The following GPBP1 variants were observed in gnomAD, a reference collection of about 807,000 sequenced individuals.
GPBP1 encodes the protein GC-rich promoter binding protein 1, also known as vasculin.
A neutral mutation model predicts 56.5 loss-of-function variants in GPBP1; 13 were observed. The observed-to-expected ratio is 0.23, with a 90% CI of 0.15 to 0.37. GPBP1 has a LOEUF of 0.37. Among genes scored for constraint, GPBP1 ranks in the 10% least tolerant of loss-of-function variants. The pLI is 1.00. For synonymous variants in GPBP1, 204 were observed against 188.9 expected (o/e 1.08, Z -0.66); for missense variants, 477 against 572.3 (o/e 0.83, Z 1.70).
rs1012524386 is a variant in GPBP1 at position 57,264,096 on chromosome 5, C to T, written c.*1344C>T. The T allele has an allele frequency of 9.2e-5, 14 of 152,082 alleles. No homozygotes were observed. The highest frequency in any genetic ancestry group is 3.4e-4 in the African/African-American group (14 of 41,408). 9.4% of individuals were successfully genotyped at this position (152,082 alleles called of 1,614,324 possible). A position where few individuals can be genotyped will look rare whatever the true frequency, so the allele number is the denominator to read the frequency against. On this transcript the variant is annotated 3_prime_UTR_variant, in exon 12 of 12. Transcript: ENST00000506184. ...TACCCTACCTGGACTCCCCAGTTTTCACCAGAAACTGTTATTTTTTTTTGT... is the reference window on the plus strand; with the variant it reads ...TACCCTACCTGGACTCCCCAGTTTTTACCAGAAACTGTTATTTTTTTTTGT...
intron 3 of GPBP1, among the ~76,000 whole-genome samples, chr5:57,217,894 T>TA (rs1411559299): frequency 6.6e-6 from 1 of 152,176 alleles, no homozygotes; most frequent in East Asian, 1.9e-4. Context: ...TCACACAGAT[T>TA]AAGAGTTTAT....
Position 57,246,244 on chromosome 5 carries a change from T to C in GPBP1, c.479-56T>C. ...ATATACTGTTCTTTTGGTGGTTTTA[T>C]TCTATACTAAAACTTGAAATTGTGA... On this transcript the variant is annotated intron_variant, in intron 6 of 11. Coordinates refer to ENST00000506184, the MANE Select transcript of GPBP1 (RefSeq NM_022913.4). The C allele has an allele frequency of 2.1e-6, 3 of 1,416,302 alleles. No homozygotes were observed. In the South Asian group the frequency reaches 4.1e-5, roughly 19 times the overall value. The allele number at this position is 1,416,302 out of a possible 1,614,324, so 87.7% of individuals were successfully genotyped here.
chr5:57,175,377 T>C, intron 1 of GPBP1, 71 bp from the exon 2 acceptor site: 1 of 396,608 alleles, frequency 2.5e-6, no homozygotes, highest in Non-Finnish European at 4.4e-6. Context: ...GGTTGACTTT[T>C]TAAGTTGGGG....
chr5:57,202,159 A>G (rs1425189688), intron 2 of GPBP1, among the ~76,000 whole-genome samples: 1 of 152,130 alleles, frequency 6.6e-6, no homozygotes, highest in Non-Finnish European at 1.5e-5. Flanking sequence ...ACGCTCGGCT[A>G]GTTTTTGTAG....
At chr5:57,183,034 A>G (rs1224011156) in intron 2 of GPBP1, among the ~76,000 whole-genome samples, 5 of 151,878 alleles carry the variant, frequency 3.3e-5, no homozygotes, top group African/African-American at 1.2e-4. Flanking sequence ...CCATATTTCA[A>G]TTTTTTTCCT....
At chr5:57,180,764 C>T (rs1367758963) in intron 2 of GPBP1, among the ~76,000 whole-genome samples, 1 of 152,084 alleles carries the variant, frequency 6.6e-6, no homozygotes, top group Admixed American at 6.6e-5. Flanking sequence ...TGTTTTGAGA[C>T]AGAGTCTCGC....
At chr5:57,254,276 TC>T in intron 10 of GPBP1, among the ~76,000 whole-genome samples, 1 of 152,226 alleles carries the variant, frequency 6.6e-6, no homozygotes, top group African/African-American at 2.4e-5. Context: ...TAAATCTTTA[TC>T]TTTCTGTCTT....
intron 6 of GPBP1, among the ~76,000 whole-genome samples, chr5:57,241,236 A>C (rs930926575): frequency 1.3e-5 from 2 of 152,188 alleles, no homozygotes; most frequent in Non-Finnish European, 2.9e-5. Flanking sequence ...AGGAATTGAA[A>C]TGTCAACTCT....
chr5:57,233,337 CTG>C (rs1756537138), intron 5 of GPBP1, among the ~76,000 whole-genome samples: 2 of 152,110 alleles, frequency 1.3e-5, no homozygotes, highest in Non-Finnish European at 2.9e-5. Flanking sequence ...TGTAATTACT[CTG>C]TATTCTCATG....
intron 6 of GPBP1, among the ~76,000 whole-genome samples, chr5:57,242,982 C>A (rs931065229): frequency 6.6e-6 from 1 of 151,986 alleles, no homozygotes; most frequent in African/African-American, 2.4e-5. Flanking sequence ...AACTCCTAAC[C>A]TTGTGATCCG....
At chr5:57,203,939 A>C (rs1045347270) in intron 2 of GPBP1, among the ~76,000 whole-genome samples, 1 of 152,182 alleles carries the variant, frequency 6.6e-6, no homozygotes, top group Non-Finnish European at 1.5e-5. Flanking sequence ...TTTAGAGGCC[A>C]TGTTCCTTAG....
At chr5:57,238,949 A>T (rs555279838) in intron 6 of GPBP1, among the ~76,000 whole-genome samples, 2 of 152,228 alleles carry the variant, frequency 1.3e-5, no homozygotes, top group Non-Finnish European at 2.9e-5. Context: ...AATATTTGCC[A>T]CAAGCATACA....
At chr5:57,177,648 CTTTTTTTTTTTTTTTTTTTT>C (rs58708281) in intron 2 of GPBP1, among the ~76,000 whole-genome samples, 1 of 92,238 alleles carries the variant, frequency 1.1e-5, no homozygotes, top group African/African-American at 4.7e-5. Context: ...CAATTTTTGC[CTTTTTTTTTTTTTTTTTTTT>C]TTTTTTTTTT....
chr5:57,262,049 T>C (rs899162839), intron 11 of GPBP1, among the ~76,000 whole-genome samples: 1 of 152,212 alleles, frequency 6.6e-6, no homozygotes, highest in Non-Finnish European at 1.5e-5. Flanking sequence ...ACTGGGCTTA[T>C]TTTCTGTCTT....
chr5:57,259,839 A>G (rs1200264720), intron 10 of GPBP1, among the ~76,000 whole-genome samples: 1 of 151,638 alleles, frequency 6.6e-6, no homozygotes, highest in Non-Finnish European at 1.5e-5. Context: ...TTTCCTTCTC[A>G]AAACACTCTC....
At chr5:57,204,432 G>T (rs1473791505) in intron 2 of GPBP1, among the ~76,000 whole-genome samples, 2 of 151,920 alleles carry the variant, frequency 1.3e-5, no homozygotes, top group Non-Finnish European at 2.9e-5. Flanking sequence ...GTATTTTTTT[G>T]ATAGAGATCG....
chr5:57,189,380 A>G (rs1033557043), intron 2 of GPBP1, among the ~76,000 whole-genome samples: 2 of 152,196 alleles, frequency 1.3e-5, no homozygotes, highest in Admixed American at 6.5e-5. Flanking sequence ...AGGCCTCCCA[A>G]AGTGTTGGGA....
intron 2 of GPBP1, among the ~76,000 whole-genome samples, chr5:57,205,077 A>G (rs1274267115): frequency 5.3e-5 from 8 of 152,136 alleles, no homozygotes; most frequent in Non-Finnish European, 1.2e-4. Context: ...CATCACCCCA[A>G]AAGAAAACTG....
chr5:57,200,139 C>T (rs1288929142), intron 2 of GPBP1, among the ~76,000 whole-genome samples: 1 of 148,208 alleles, frequency 6.7e-6, no homozygotes, highest in African/African-American at 2.5e-5. Flanking sequence ...CGCCCCGCCC[C>T]TCCCCTCCCC....
Sources: gnomAD v4.1 joint callset for allele counts (sites outside exome capture counted in the v4.1 genomes callset) on GRCh38, gnomAD v4.1.1 for gene constraint, MANE v1.5 for transcripts, NCBI Gene and HGNC (gene_info 2026-07-23, HGNC 2026-07-21) for gene names.